MAP2K5: variants seen among roughly 807,000 people sequenced by gnomAD.
MAP2K5 encodes dual specificity mitogen-activated protein kinase kinase 5.
MAP2K5 carries 49 observed loss-of-function variants against 83.1 expected under a neutral mutation model. The ratio of observed to expected loss-of-function variants is 0.59; its 90% CI spans 0.47 to 0.75. The LOEUF is 0.75. Ranked by LOEUF, MAP2K5 falls within the 30% of genes least tolerant of loss-of-function variation. MAP2K5 has a pLI of 0.00. For synonymous variants in MAP2K5, 202 were observed against 191.8 expected (o/e 1.05, Z -0.44); for missense variants, 457 against 557.5 (o/e 0.82, Z 1.82).
chr15:67,778,724 A>T lies in MAP2K5; in HGVS notation c.1242+5972A>T, dbSNP rs1225750552. On this transcript the variant is annotated intron_variant, in intron 21 of 21. Transcript: ENST00000178640. The surrounding 1 kb of genome is among the most constrained non-coding windows in gnomAD (Gnocchi z 5.0). Reference sequence around the variant, plus strand: ...ACTGTTTACTAGAAGCACGGGGCTCAGATCAATTCAAAATGATCACCACAT... The same window carrying T: ...ACTGTTTACTAGAAGCACGGGGCTCTGATCAATTCAAAATGATCACCACAT... Among the ~76,000 whole-genome samples the T allele has an allele frequency of 2.0e-5, 3 of 152,214 alleles. No homozygotes were observed. The highest frequency in any genetic ancestry group is 7.2e-5 in the African/African-American group (3 of 41,448).
chr15:67,745,448 C>T (rs1402998395), intron 17 of MAP2K5, among the ~76,000 whole-genome samples: 1 of 152,216 alleles, frequency 6.6e-6, no homozygotes, highest in Non-Finnish European at 1.5e-5. Context: ...TGTGCAAAAG[C>T]AGAGGCAATG....
rs1036429621 is a variant in MAP2K5, at chr15:67,780,581, A to G, written c.1242+7829A>G. Among the ~76,000 whole-genome samples, 1 of 152,228 alleles carries G rather than the reference A, an allele frequency of 6.6e-6. No individual in the cohort carries two copies. Among genetic ancestry groups the G allele is most frequent in the Non-Finnish European group, 1.5e-5 (1 of 68,036 alleles). On this transcript the variant is annotated intron_variant, in intron 21 of 21. Transcript: ENST00000178640. This position sits in a 1 kb window ranked among gnomAD's most constrained non-coding sequence, Gnocchi z 5.0. ...AGAGTAAAGCTGAAGAAACTAATCC[A>G]AGAACAAGCAATCCCTGGACATTAC...
intron 7 of MAP2K5, among the ~76,000 whole-genome samples, chr15:67,597,185 AG>A (rs1484623329): frequency 7.4e-6 from 1 of 135,942 alleles, no homozygotes; most frequent in Non-Finnish European, 1.6e-5. Context: ...GAAAAAAAAA[AG>A]AAAAAAAAAA....
rs1420275798 is a variant in MAP2K5 at position 67,785,052 on chromosome 15, A to G, written c.1242+12300A>G. Among the ~76,000 whole-genome samples the G allele has an allele frequency of 1.3e-5, 2 of 152,018 alleles. No homozygotes were observed. Among genetic ancestry groups the G allele is most frequent in the Non-Finnish European group, 2.9e-5 (2 of 67,990 alleles). ...TCTCCCAGGCTCAGGTGATCCTCCT[A>G]CCTCAGCACCCGCCCTTCCTTGAGT... On this transcript the variant is annotated intron_variant, in intron 21 of 21. Transcript: ENST00000178640. This position sits in a 1 kb window ranked among gnomAD's most constrained non-coding sequence, Gnocchi z 4.4.
Position 67,642,590 on chromosome 15 carries a change from A to T in MAP2K5, c.586-3641A>T. 3 of 779,050 alleles carry T rather than the reference A, an allele frequency of 3.9e-6. No homozygotes were observed. The South Asian group carries it at 4.3e-5, about 11-fold the overall frequency. The allele number at this position is 779,050 out of a possible 1,614,324, so 48.3% of individuals were successfully genotyped here. A position where few individuals can be genotyped will look rare whatever the true frequency, so the allele number is the denominator to read the frequency against. On this transcript the variant is annotated intron_variant, in intron 9 of 21. Coordinates refer to ENST00000178640, the MANE Select transcript of MAP2K5 (RefSeq NM_145160.3). ...AGTGCCTGGAGAAGAGAGAGGAAGC[A>T]CACCCCAAGTACAGGAAACAGCAGG... is the stretch of plus-strand genomic sequence containing the variant.
chr15:67,634,962 T>C (rs1172338562), intron 9 of MAP2K5, among the ~76,000 whole-genome samples: 1 of 152,194 alleles, frequency 6.6e-6, no homozygotes, highest in Admixed American at 6.5e-5. Flanking sequence ...TGTTTTCTAT[T>C]TGTTCTGCCT....
intron 9 of MAP2K5, among the ~76,000 whole-genome samples, chr15:67,631,930 A>G: frequency 6.6e-6 from 1 of 151,708 alleles, no homozygotes; most frequent in Non-Finnish European, 1.5e-5. Context: ...CTTCCCCACA[A>G]ATTGTTCAGA....
At chr15:67,713,611 C>G (rs1050415998) in intron 16 of MAP2K5, among the ~76,000 whole-genome samples, 2 of 152,120 alleles carry the variant, frequency 1.3e-5, no homozygotes, top group African/African-American at 4.8e-5. Flanking sequence ...TGGCAGGCGC[C>G]TGTAATCCCA....
Position 67,636,473 on chromosome 15 carries a change from C to T in MAP2K5, c.585+5546C>T, listed in dbSNP as rs2086606595. ...AATTAGTGGCCTTATCTATTTATTCCATCATATGTGTCATATCTGGATCAG... is the reference window on the plus strand; with the variant it reads ...AATTAGTGGCCTTATCTATTTATTCTATCATATGTGTCATATCTGGATCAG... On this transcript the variant is annotated intron_variant, in intron 9 of 21. Transcript: ENST00000178640. The surrounding 1 kb of genome is among the most constrained non-coding windows in gnomAD (Gnocchi z 4.7). Among the ~76,000 whole-genome samples, 1 of 150,858 alleles carries T rather than the reference C, an allele frequency of 6.6e-6. No individual in the cohort carries two copies. Among genetic ancestry groups the T allele is most frequent in the Non-Finnish European group, 1.5e-5 (1 of 67,786 alleles).
At chr15:67,743,430 A>C (rs140716687) in intron 17 of MAP2K5, among the ~76,000 whole-genome samples, 1 of 152,300 alleles carries the variant, frequency 6.6e-6, no homozygotes, top group East Asian at 1.9e-4. Flanking sequence ...GTTCACCTGA[A>C]ATTATTGGAA....
At position 67,706,594 on chromosome 15, in the gene MAP2K5, A is replaced by T. The variant is rs540646250; in HGVS notation, c.1044+3186A>T. ...GATGTTGTTAGAGGTTGTAAAGAGG[A>T]ATCAGATTATGATCATCAGAGAGGG... On this transcript the variant is annotated intron_variant, in intron 16 of 21. Coordinates refer to ENST00000178640, the MANE Select transcript of MAP2K5 (RefSeq NM_145160.3). Among the ~76,000 whole-genome samples the T allele has an allele frequency of 3.9e-5, 6 of 152,214 alleles. No individual in the cohort carries two copies. The East Asian group carries it at 1.2e-3, about 29-fold the overall frequency.
chr15:67,658,829 T>C, intron 12 of MAP2K5: 1 of 597,588 alleles, frequency 1.7e-6, no homozygotes, highest in South Asian at 1.5e-5. Flanking sequence ...CCTGTTCTAG[T>C]TTCATGTGTT....
chr15:67,653,395 C>T (rs1157424947), intron 11 of MAP2K5, among the ~76,000 whole-genome samples: 1 of 152,020 alleles, frequency 6.6e-6, no homozygotes, highest in Non-Finnish European at 1.5e-5. Context: ...AAGCCGTTCT[C>T]CTGCCTCAGC....
chr15:67,589,656 T>C (rs1202039566), intron 6 of MAP2K5, among the ~76,000 whole-genome samples: 1 of 152,232 alleles, frequency 6.6e-6, no homozygotes, highest in African/African-American at 2.4e-5. Flanking sequence ...GGAATATCTA[T>C]GTAGAAACCT....
chr15:67,544,806 A>G (rs1297137999), intron 1 of MAP2K5, among the ~76,000 whole-genome samples: 2 of 152,184 alleles, frequency 1.3e-5, no homozygotes, highest in Admixed American at 6.5e-5. Flanking sequence ...CTATAACTTC[A>G]TTTTGAGTTC....
rs2090134028 is a variant in MAP2K5, at chr15:67,771,156, GTAA to G, written c.1196+1495_1196+1497del. Among the ~76,000 whole-genome samples, 3 of 1,972 alleles carry G rather than the reference GTAA, an allele frequency of 1.5e-3. No homozygotes were observed. The Admixed American group carries it at 0.019, about 13-fold the overall frequency. The allele number at this position is 1,972 out of a possible 152,430, so 1.3% of individuals were successfully genotyped here. On this transcript the variant is annotated intron_variant, in intron 20 of 21. Transcript: ENST00000178640. Reference sequence around the variant, plus strand: ...ATGTGTACCATGTGTTTTACACATGGTAATGTGTACCATGTGTTTTACACATGG... The same window carrying G: ...ATGTGTACCATGTGTTTTACACATGGTGTGTACCATGTGTTTTACACATGG...
chr15:67,805,663 T>C (rs2090789521), intron 21 of MAP2K5, among the ~76,000 whole-genome samples: 1 of 152,138 alleles, frequency 6.6e-6, no homozygotes. Flanking sequence ...GGCAGGCACA[T>C]GGCGCCCTCA....
At position 67,658,600 on chromosome 15, in the gene MAP2K5, A is replaced by C; in HGVS notation, c.784A>C (p.Arg262=). 6.2e-7 allele frequency: 1 copy of C among 1,611,920 alleles called. No homozygotes were observed. Among genetic ancestry groups the C allele is most frequent in the East Asian group, 2.2e-5 (1 of 44,812 alleles). ...YRKMPEHVLG[R]IAVAVVKGLT... ...GAAAATGCCAGAACATGTCCTTGGA[A>C]GAATTGCAGTAGCAGTAAGTATATG... Residue 262 remains arginine, a synonymous_variant, in exon 12 of 22, where the codon AGA becomes CGA. Transcript: ENST00000178640.
chr15:67,745,343 A>G (rs1001062276), intron 17 of MAP2K5, among the ~76,000 whole-genome samples: 2 of 152,214 alleles, frequency 1.3e-5, no homozygotes, highest in African/African-American at 2.4e-5. Flanking sequence ...CCCAGAATAA[A>G]GATAGGCATT....
Sources: gnomAD v4.1 joint callset for allele counts (sites outside exome capture counted in the v4.1 genomes callset) on GRCh38, gnomAD v4.1.1 for gene constraint, Gnocchi (gnomAD v3.1) non-coding constraint, MANE v1.5 for transcripts, NCBI Gene and HGNC (gene_info 2026-07-23, HGNC 2026-07-21) for gene names.